FHAD1: variants seen among roughly 807,000 people sequenced by gnomAD.
FHAD1 encodes forkhead associated phosphopeptide binding domain 1.
A neutral mutation model predicts 191.3 loss-of-function variants in FHAD1; 146 were observed. The observed-to-expected ratio is 0.76, with a 90% confidence interval of 0.67 to 0.88. FHAD1 has a LOEUF of 0.88. Among genes scored for constraint, FHAD1 ranks in the 40% least tolerant of loss-of-function variants. FHAD1 has a pLI of 0.00. For missense variants in FHAD1, 1,635 were observed against 1,785.8 expected (o/e 0.92, Z 1.52); for synonymous variants, 616 against 672.3 (o/e 0.92, Z 1.29).
At chr1:15,306,865 G>A (rs1361748021) in intron 6 of FHAD1, among the ~76,000 whole-genome samples, 1 of 152,270 alleles carries the variant, frequency 6.6e-6, no homozygotes, top group Non-Finnish European at 1.5e-5. Flanking sequence ...AGTGTGGAAG[G>A]GAAATGTGGG....
At chr1:15,399,143 G>A (rs1021022439), downstream of FHAD1, among the ~76,000 whole-genome samples, 5 of 152,130 alleles carry the variant, frequency 3.3e-5, no homozygotes, top group Non-Finnish European at 5.9e-5. Context: ...TTTTTAAAAA[G>A]CCACAATAAA....
At chr1:15,345,220 C>G (rs1275537046) in intron 17 of FHAD1, 30 bp downstream of exon 17, 4 of 1,520,492 alleles carry the variant, frequency 2.6e-6, no homozygotes, top group South Asian at 2.4e-5. Flanking sequence ...AGAGTCAGCT[C>G]GAGCCCCACT....
intron 5 of FHAD1, among the ~76,000 whole-genome samples, chr1:15,300,480 C>T (rs1173058077): frequency 6.6e-6 from 1 of 152,094 alleles, no homozygotes; most frequent in East Asian, 1.9e-4. Flanking sequence ...AGTTAAATAG[C>T]CCCATTATAG....
chr1:15,290,471 C>T (rs921913869), intron 4 of FHAD1, among the ~76,000 whole-genome samples: 6 of 152,144 alleles, frequency 3.9e-5, no homozygotes, highest in East Asian at 1.9e-4. Context: ...CATCTCCCAG[C>T]GGCTTCCATA....
chr1:15,265,759 G>C (rs1437453576), intron 2 of FHAD1, among the ~76,000 whole-genome samples: 1 of 152,018 alleles, frequency 6.6e-6, no homozygotes, highest in Non-Finnish European at 1.5e-5. Context: ...ATCACCTGAG[G>C]TCTGGAGTTT....
chr1:15,252,163 G>C (rs1228224147), intron 2 of FHAD1, among the ~76,000 whole-genome samples: 2 of 152,152 alleles, frequency 1.3e-5, no homozygotes, highest in Non-Finnish European at 1.5e-5. Context: ...CCCAAAGTAG[G>C]GCTTATCCCG....
chr1:15,375,871 C>T, intron 28 of FHAD1, 141 bp downstream of exon 28: 1 of 790,530 alleles, frequency 1.3e-6, no homozygotes, highest in East Asian at 2.8e-5. Flanking sequence ...TAGCTGGGGC[C>T]CCGACCATAC....
intron 6 of FHAD1, among the ~76,000 whole-genome samples, chr1:15,306,241 A>G (rs1670457169): frequency 1.3e-5 from 2 of 152,298 alleles, no homozygotes; most frequent in Non-Finnish European, 2.9e-5. Flanking sequence ...TGAGAGAGAT[A>G]ATTTAGTGTA....
intron 3 of FHAD1, among the ~76,000 whole-genome samples, chr1:15,282,894 A>G (rs1489491893): frequency 6.6e-6 from 1 of 152,216 alleles, no homozygotes; most frequent in African/African-American, 2.4e-5. Flanking sequence ...GGACTTAGCC[A>G]GGGAGGGTTC....
At chr1:15,275,480 GCCTC>G in intron 3 of FHAD1, among the ~76,000 whole-genome samples, 1 of 152,176 alleles carries the variant, frequency 6.6e-6, no homozygotes, top group Non-Finnish European at 1.5e-5. Context: ...CCCCCTGTCC[GCCTC>G]CACCCCATCC....
At chr1:15,302,717 CAA>C (rs570219323) in intron 6 of FHAD1, among the ~76,000 whole-genome samples, 2 of 133,760 alleles carry the variant, frequency 1.5e-5, no homozygotes, top group Non-Finnish European at 1.6e-5. Context: ...GACTCCGTCT[CAA>C]AAAAAAAAAA....
At chr1:15,238,783 C>G (rs1645054826) in intron 1 of FHAD1, among the ~76,000 whole-genome samples, 1 of 152,238 alleles carries the variant, frequency 6.6e-6, no homozygotes, top group Non-Finnish European at 1.5e-5. Flanking sequence ...GGTTAAGGCT[C>G]TGGGCCCTCT....
intron 8 of FHAD1, 96 bp downstream of exon 8, chr1:15,313,283 T>G: frequency 2.8e-5 from 36 of 1,300,832 alleles, no homozygotes; most frequent in Non-Finnish European, 3.4e-5. Flanking sequence ...CCTGGGCCCT[T>G]AGTTTAAATT....
In FHAD1 at chr1:15,324,364, C is replaced by T. The variant is rs1319595017; in HGVS notation, c.1366-88C>T. The T allele has an allele frequency of 5.6e-6, 6 of 1,070,120 alleles. No homozygotes were observed. In the East Asian group the frequency reaches 1.6e-4, roughly 28 times the overall value. 66.3% of individuals were successfully genotyped at this position (1,070,120 alleles called of 1,614,324 possible). Reference sequence around the variant, plus strand: ...GCTGTGCCTACCCCTCTGGGACCCCCCACGGCCATTAGACATCCTAGAGGA... The same window carrying T: ...GCTGTGCCTACCCCTCTGGGACCCCTCACGGCCATTAGACATCCTAGAGGA... On this transcript the variant is annotated intron_variant, in intron 10 of 33. Transcript: ENST00000688493.
intron 5 of FHAD1, among the ~76,000 whole-genome samples, chr1:15,298,053 A>G (rs2100814932): frequency 6.6e-6 from 1 of 152,286 alleles, no homozygotes; most frequent in Admixed American, 6.5e-5. Flanking sequence ...AAAAACAGTC[A>G]TTATTCAAAA....
chr1:15,272,121 A>G (rs183819016), intron 2 of FHAD1, among the ~76,000 whole-genome samples: 1 of 152,294 alleles, frequency 6.6e-6, no homozygotes, highest in East Asian at 1.9e-4. Flanking sequence ...GACAGAGCAC[A>G]TATCCCAAGC....
rs922383820 is a variant in FHAD1, at chr1:15,276,093, A to C, written c.300+3564A>C. Among the ~76,000 whole-genome samples, 4 of 152,212 alleles carry C rather than the reference A, an allele frequency of 2.6e-5. No homozygotes were observed. The highest frequency in any genetic ancestry group is 9.6e-5 in the African/African-American group (4 of 41,456). On this transcript the variant is annotated intron_variant, in intron 3 of 33. Coordinates refer to ENST00000688493, the MANE Select transcript of FHAD1 (RefSeq NM_001391957.1). This position sits in a 1 kb window ranked among gnomAD's most constrained non-coding sequence, Gnocchi z 4.7. ...CCTGAAGTTCAAGTGAGTCTGCCCCACACAGTTCTGCCCTGCTCTTGACCA... is the reference window on the plus strand; with the variant it reads ...CCTGAAGTTCAAGTGAGTCTGCCCCCCACAGTTCTGCCCTGCTCTTGACCA...
intron 1 of FHAD1, among the ~76,000 whole-genome samples, chr1:15,240,956 C>CAAAAAA (rs55740154): frequency 8.0e-6 from 1 of 124,794 alleles, no homozygotes; most frequent in Non-Finnish European, 1.7e-5. Context: ...GACTCTATCT[C>CAAAAAA]AAAAAAAAAA....
chr1:15,312,701 T>C lies in FHAD1; in HGVS notation c.1040-356T>C, dbSNP rs892126468. On this transcript the variant is annotated intron_variant, in intron 7 of 33. Coordinates refer to ENST00000688493, the MANE Select transcript of FHAD1 (RefSeq NM_001391957.1). The surrounding 1 kb of genome is among the most constrained non-coding windows in gnomAD (Gnocchi z 4.7). ...CTGAGCTAGTAAGTGCTAGAGACGG[T>C]TTCCAAACTCAGATGAGTGTGAATC... Among the ~76,000 whole-genome samples, 1 of 152,052 alleles carries C rather than the reference T, an allele frequency of 6.6e-6. No individual in the cohort carries two copies. Among genetic ancestry groups the C allele is most frequent in the South Asian group, 2.1e-4 (1 of 4,812 alleles).
Sources: allele counts gnomAD v4.1 joint callset (sites outside exome capture counted in the v4.1 genomes callset), GRCh38; gene constraint gnomAD v4.1.1; non-coding constraint Gnocchi (gnomAD v3.1); transcripts MANE v1.5; gene names NCBI Gene and HGNC (gene_info 2026-07-23, HGNC 2026-07-21).